The following CTNS variants were observed in gnomAD, a reference collection of about 807,000 sequenced individuals.
CTNS encodes cystinosin, lysosomal cystine transporter.
In CTNS, 27 loss-of-function variants were observed where a neutral mutation model predicts 43.7. That is an observed-to-expected ratio of 0.62 (90% CI 0.46 to 0.85). CTNS has a LOEUF of 0.85. Among genes scored for constraint, CTNS ranks in the 40% least tolerant of loss-of-function variants. The probability of loss-of-function intolerance (pLI) is 0.00; values close to 1 mark genes in which losing one functional copy is unlikely to be tolerated. For synonymous variants in CTNS, 187 were observed against 190.6 expected (o/e 0.98, Z 0.16); for missense variants, 457 against 475.4 (o/e 0.96, Z 0.36).
rs140544784 is a variant in CTNS, at chr17:3,653,169, T to C, written c.226-1829T>C. 7.8e-3 allele frequency among the ~76,000 whole-genome samples: 1,182 copies of C among 152,302 alleles called. 11 individuals carry two copies. The highest frequency in any genetic ancestry group is 0.027 in the African/African-American group (1,123 of 41,560). On this transcript the variant is annotated intron_variant, in intron 5 of 11. Coordinates refer to ENST00000046640, the MANE Select transcript of CTNS (RefSeq NM_004937.3). Reference sequence around the variant, plus strand: ...GCTCACGCCTGTAATCCCACCACTTTGGGAGGCCGAAGCGGGTGGATCACC... The same window carrying C: ...GCTCACGCCTGTAATCCCACCACTTCGGGAGGCCGAAGCGGGTGGATCACC...
intron 3 of CTNS, among the ~76,000 whole-genome samples, chr17:3,641,437 G>A (rs1444727740): frequency 1.6e-4 from 19 of 122,300 alleles, no homozygotes; most frequent in Non-Finnish European, 6.4e-5. Context: ...TGTCGCTGAG[G>A]CTGGTGTGCA....
rs576863995 is a variant in CTNS at position 3,642,645 on chromosome 17, G to A, written c.61+2378G>A. On this transcript the variant is annotated intron_variant, in intron 3 of 11. Transcript: ENST00000046640. ...GGAGGTTGCAGTGAGCTGAGATCACGCCACTGCACTCCAGCCTGGGTGACA... is the reference window on the plus strand; with the variant it reads ...GGAGGTTGCAGTGAGCTGAGATCACACCACTGCACTCCAGCCTGGGTGACA... Among the ~76,000 whole-genome samples the A allele has an allele frequency of 4.9e-4, 74 of 152,186 alleles. 2 individuals carry two copies. In the South Asian group the frequency reaches 0.014, roughly 29 times the overall value.
At chr17:3,636,534 C>G (rs1291627611), upstream of CTNS, 2 of 346,460 alleles carry the variant, frequency 5.8e-6, no homozygotes, top group Non-Finnish European at 1.1e-5. Context: ...GCTGGCGGCT[C>G]CAAGAGTCTC....
intron 3 of CTNS, among the ~76,000 whole-genome samples, chr17:3,647,210 G>A (rs1185729633): frequency 2.6e-5 from 4 of 152,196 alleles, no homozygotes; most frequent in East Asian, 1.9e-4. Flanking sequence ...TCATCGCAGC[G>A]GGAGGAGGAC....
In CTNS at chr17:3,658,121, C is replaced by T. The variant is rs1567714017; in HGVS notation, c.798C>T (p.Leu266=). The part of the protein sequence containing the change: ...AVGVTTWLQF[L]FCFSYIKLAV... Reference sequence around the variant, plus strand: ...GAGTGACCACGTGGCTGCAGTTTCTCTTCTGCTTCTCCTACATCAAGCTCG... The same window carrying T: ...GAGTGACCACGTGGCTGCAGTTTCTTTTCTGCTTCTCCTACATCAAGCTCG... Residue 266 remains leucine (L), a synonymous_variant, in exon 10 of 12, where the codon CTC becomes CTT. Coordinates refer to ENST00000046640, the MANE Select transcript of CTNS (RefSeq NM_004937.3). 1.9e-6 allele frequency: 3 copies of T among 1,612,280 alleles called. No homozygotes were observed. The highest frequency in any genetic ancestry group is 1.7e-6 in the Non-Finnish European group (2 of 1,179,790).
intron 3 of CTNS, among the ~76,000 whole-genome samples, chr17:3,641,384 A>T (rs397714): frequency 0.53 from 16,899 of 32,090 alleles, 6,890 homozygotes; most frequent in Non-Finnish European, 0.58. Context: ...ATATATATAT[A>T]TTTTTTTTTT....
rs2076275775 is a variant in CTNS at position 3,661,421 on chromosome 17, G to GA, written c.*1052_*1053insA. On this transcript the variant is annotated 3_prime_UTR_variant, in exon 12 of 12. Transcript: ENST00000046640. Reference sequence around the variant, plus strand: ...AGCTGTCCTTCCTATGGCAGGAGGGGTGGGGGTCCCAGGACGTGCCTCATA... The same window carrying GA: ...AGCTGTCCTTCCTATGGCAGGAGGGGATGGGGGTCCCAGGACGTGCCTCATA... 1 of 153,398 alleles carries GA rather than the reference G, an allele frequency of 6.5e-6. No individual in the cohort carries two copies. Among genetic ancestry groups the GA allele is most frequent in the Non-Finnish European group, 1.4e-5 (1 of 68,974 alleles). 9.5% of individuals were successfully genotyped at this position (153,398 alleles called of 1,614,324 possible).
At chr17:3,642,809 A>T (rs181288698) in intron 3 of CTNS, among the ~76,000 whole-genome samples, 3 of 152,172 alleles carry the variant, frequency 2.0e-5, no homozygotes, top group Non-Finnish European at 4.4e-5. Context: ...GTAATTATGA[A>T]GGACCACAGA....
At position 3,662,942 on chromosome 17, in the gene CTNS, A is replaced by C. The variant is rs1597672236; in HGVS notation, c.*2573A>C. On this transcript the variant is annotated 3_prime_UTR_variant, in exon 12 of 12. Coordinates refer to ENST00000046640, the MANE Select transcript of CTNS (RefSeq NM_004937.3). ...GCGCACCACATCGGGGAGGGGCGGCAGTGGTTTCCACGGTAACCAAAGTAA... is the reference window on the plus strand; with the variant it reads ...GCGCACCACATCGGGGAGGGGCGGCCGTGGTTTCCACGGTAACCAAAGTAA... The C allele has an allele frequency of 6.6e-6, 1 of 152,200 alleles. No individual in the cohort carries two copies. Among genetic ancestry groups the C allele is most frequent in the Non-Finnish European group, 1.5e-5 (1 of 68,044 alleles). 9.4% of individuals were successfully genotyped at this position (152,200 alleles called of 1,614,324 possible).
intron 7 of CTNS, chr17:3,655,597 T>G: frequency 2.0e-6 from 1 of 511,922 alleles, no homozygotes; most frequent in Non-Finnish European, 3.5e-6. Flanking sequence ...AGGGGCTCCT[T>G]AGTTTAGTGG....
chr17:3,647,950 G>A (rs1366975013), intron 4 of CTNS, among the ~76,000 whole-genome samples: 2 of 152,198 alleles, frequency 1.3e-5, no homozygotes, highest in South Asian at 2.1e-4. Flanking sequence ...TCGGGTGAAT[G>A]CCGCTCATGC....
chr17:3,640,162 T>A (rs1424297416), intron 2 of CTNS, 26 bp from the exon 3 acceptor site: 2 of 1,583,106 alleles, frequency 1.3e-6, no homozygotes, highest in Non-Finnish European at 1.7e-6. Context: ...TCCCCTGAAC[T>A]TCTCTCTTGC....
At position 3,656,775 on chromosome 17, in the gene CTNS, G is replaced by T; in HGVS notation, c.661G>T (p.Val221Leu). Reference protein sequence around the residue: ...HAVVLTLIIIVQCCLYERGGQ... With the variant: ...HAVVLTLIIILQCCLYERGGQ... ...GGTTGTCCTCACGCTGATCATCATC[G>T]TGCAGTGCTGCCTGTATGAGGTGAG... The change falls in exon 9 of 12, where the codon GTG becomes TTG. Residue 221 changes from valine to leucine, a missense_variant. Val to Leu is a conservative substitution (Grantham distance 32, BLOSUM62 1). Coordinates refer to ENST00000046640, the MANE Select transcript of CTNS (RefSeq NM_004937.3). 6 of 1,613,150 alleles carry T rather than the reference G, an allele frequency of 3.7e-6. No homozygotes were observed. Among genetic ancestry groups the T allele is most frequent in the Non-Finnish European group, 5.1e-6 (6 of 1,179,928 alleles).
intron 5 of CTNS, 66 bp downstream of exon 5, chr17:3,648,997 G>A: frequency 7.3e-7 from 1 of 1,368,866 alleles, no homozygotes; most frequent in South Asian, 1.2e-5. Flanking sequence ...TGAATTAAGA[G>A]CTGGTGGAAA....
intron 3 of CTNS, among the ~76,000 whole-genome samples, chr17:3,645,042 T>C (rs1238491160): frequency 6.6e-6 from 1 of 152,220 alleles, no homozygotes; most frequent in Non-Finnish European, 1.5e-5. Context: ...CATCCTGTCC[T>C]GAGCAGTGGC....
At chr17:3,646,523 G>C (rs1457635548) in intron 3 of CTNS, among the ~76,000 whole-genome samples, 1 of 152,068 alleles carries the variant, frequency 6.6e-6, no homozygotes. Flanking sequence ...CTCTGACCTC[G>C]TGATCCACCT....
chr17:3,640,140 C>A, intron 2 of CTNS, 48 bp from the exon 3 acceptor site: 1 of 1,466,606 alleles, frequency 6.8e-7, no homozygotes, highest in Non-Finnish European at 9.6e-7. Context: ...GGGAGCTGAG[C>A]TGATTCAACA....
chr17:3,644,676 G>C (rs2075804701), intron 3 of CTNS, among the ~76,000 whole-genome samples: 3 of 152,174 alleles, frequency 2.0e-5, no homozygotes, highest in Non-Finnish European at 4.4e-5. Flanking sequence ...ATGTTAGCCA[G>C]GATGGTCTCT....
intron 5 of CTNS, among the ~76,000 whole-genome samples, 154 bp from the exon 6 acceptor site, chr17:3,654,844 C>T (rs1597645692): frequency 6.6e-6 from 1 of 152,102 alleles, no homozygotes; most frequent in South Asian, 2.1e-4. Context: ...GGCTGGTGGG[C>T]GCAGCGTCTC....
Sources: gnomAD v4.1 joint callset for allele counts (sites outside exome capture counted in the v4.1 genomes callset) on GRCh38, gnomAD v4.1.1 for gene constraint, MANE v1.5 for transcripts, NCBI Gene and HGNC (gene_info 2026-07-23, HGNC 2026-07-21) for gene names.